Variants in BICC1 observed in about 807,000 individuals in gnomAD.
BICC1 encodes the protein BicC family RNA binding protein 1, also known as protein bicaudal C homolog 1.
In BICC1, 43 loss-of-function variants were observed where a neutral mutation model predicts 111.0. The ratio of observed to expected loss-of-function variants is 0.39; its 90% CI spans 0.30 to 0.50. The LOEUF is 0.50. Among genes scored for constraint, BICC1 ranks in the 20% least tolerant of loss-of-function variants. The probability of loss-of-function intolerance (pLI) is 0.88; values close to 1 mark genes in which losing one functional copy is unlikely to be tolerated. For missense variants in BICC1, 1,091 were observed against 1,203.2 expected (o/e 0.91, Z 1.38); for synonymous variants, 467 against 434.4 (o/e 1.07, Z -0.93).
At chr10:58,674,271 CA>C (rs1276875466) in intron 2 of BICC1, among the ~76,000 whole-genome samples, 8 of 151,762 alleles carry the variant, frequency 5.3e-5, no homozygotes, top group African/African-American at 1.9e-4. Context: ...GATCAAGTGT[CA>C]GTTACCATTT....
intron 1 of BICC1, among the ~76,000 whole-genome samples, chr10:58,543,372 A>G (rs1385223499): frequency 6.6e-6 from 1 of 152,094 alleles, no homozygotes; most frequent in East Asian, 1.9e-4. Context: ...GAAGAAAGGG[A>G]GAGTTGTTTA....
intron 2 of BICC1, among the ~76,000 whole-genome samples, chr10:58,689,044 A>C (rs899030596): frequency 6.6e-6 from 1 of 152,218 alleles, no homozygotes; most frequent in African/African-American, 2.4e-5. Flanking sequence ...CAACAACAAC[A>C]AAAAACAAGA....
At chr10:58,736,160 G>A (rs1841460305) in intron 3 of BICC1, among the ~76,000 whole-genome samples, 1 of 152,130 alleles carries the variant, frequency 6.6e-6, no homozygotes, top group African/African-American at 2.4e-5. Flanking sequence ...GGAGCAAGAT[G>A]GGGACAGGAG....
intron 18 of BICC1, among the ~76,000 whole-genome samples, chr10:58,816,619 C>T (rs1844097519): frequency 1.3e-5 from 2 of 152,068 alleles, no homozygotes; most frequent in African/African-American, 4.8e-5. Flanking sequence ...GTTGTCCTCC[C>T]TCACCTCTTT....
In BICC1 at chr10:58,789,897, C is replaced by T; in HGVS notation, c.1011C>T (p.Thr337=). The change falls in exon 8 of 21, where the codon ACC becomes ACT. Residue 337 remains threonine (T), a synonymous_variant. Coordinates refer to ENST00000373886, the MANE Select transcript of BICC1 (RefSeq NM_001080512.3). ...AATCTACCGTCTACCTCCAGGGCAC[C>T]ATTGAGTCTGTCTGTCTTGCAAGGC... is the stretch of plus-strand genomic sequence containing the variant. ...QKKSTVYLQG[T]IESVCLARQY... is the part of the protein sequence containing the mutation. 6.2e-7 allele frequency: 1 copy of T among 1,614,118 alleles called. No homozygotes were observed. The highest frequency in any genetic ancestry group is 8.5e-7 in the Non-Finnish European group (1 of 1,180,014).
intron 3 of BICC1, among the ~76,000 whole-genome samples, chr10:58,740,611 C>G (rs1329577404): frequency 6.6e-6 from 1 of 152,022 alleles, no homozygotes; most frequent in Non-Finnish European, 1.5e-5. Flanking sequence ...GAAAAAAAAC[C>G]TCTTTGGAAA....
At chr10:58,656,677 C>A (rs1838663226) in intron 2 of BICC1, among the ~76,000 whole-genome samples, 1 of 152,042 alleles carries the variant, frequency 6.6e-6, no homozygotes, top group East Asian at 1.9e-4. Context: ...TTTCTTTGTC[C>A]CAGCTTGACC....
At chr10:58,792,604 C>T (rs1458075392) in intron 8 of BICC1, among the ~76,000 whole-genome samples, 1 of 152,078 alleles carries the variant, frequency 6.6e-6, no homozygotes, top group Non-Finnish European at 1.5e-5. Flanking sequence ...TATTGTGAAC[C>T]GTGCATGCAA....
At chr10:58,817,889 G>T (rs141197272) in intron 19 of BICC1, among the ~76,000 whole-genome samples, 167 bp downstream of exon 19, 1 of 152,110 alleles carries the variant, frequency 6.6e-6, no homozygotes, top group Non-Finnish European at 1.5e-5. Flanking sequence ...TTCTTATTTA[G>T]TGCAGCTAGT....
intron 3 of BICC1, among the ~76,000 whole-genome samples, chr10:58,781,927 C>T (rs944080091): frequency 6.6e-6 from 1 of 152,060 alleles, no homozygotes; most frequent in Non-Finnish European, 1.5e-5. Flanking sequence ...TTTTCTCTGT[C>T]CTTATTAAGC....
intron 3 of BICC1, among the ~76,000 whole-genome samples, chr10:58,723,881 T>A (rs1158715759): frequency 6.6e-6 from 1 of 152,220 alleles, no homozygotes; most frequent in Non-Finnish European, 1.5e-5. Context: ...CTCTCACAAT[T>A]TGGCAATTCT....
intron 1 of BICC1, among the ~76,000 whole-genome samples, chr10:58,612,112 C>T (rs138775674): frequency 1.4e-3 from 208 of 152,080 alleles, no homozygotes; most frequent in African/African-American, 4.6e-3. Flanking sequence ...TACTTTTCAC[C>T]GTTGAAATTT....
chr10:58,602,139 A>G (rs1417204874), intron 1 of BICC1, among the ~76,000 whole-genome samples: 1 of 152,160 alleles, frequency 6.6e-6, no homozygotes, highest in African/African-American at 2.4e-5. Context: ...TCCAAAGTAA[A>G]CAAAGTAGGA....
At chr10:58,783,316 A>AT (rs1842928847) in intron 3 of BICC1, among the ~76,000 whole-genome samples, 1 of 152,086 alleles carries the variant, frequency 6.6e-6, no homozygotes, top group Non-Finnish European at 1.5e-5. Flanking sequence ...ATTAACTGTG[A>AT]TTTCACCATC....
At chr10:58,712,506 ATAT>A (rs748298938) in intron 3 of BICC1, among the ~76,000 whole-genome samples, 2 of 151,004 alleles carry the variant, frequency 1.3e-5, no homozygotes, top group Admixed American at 1.3e-4. Context: ...ACACAATGAA[ATAT>A]TATTCAGTGC....
chr10:58,589,577 T>C (rs1016295165), intron 1 of BICC1, among the ~76,000 whole-genome samples: 13 of 152,022 alleles, frequency 8.6e-5, no homozygotes, highest in African/African-American at 2.7e-4. Context: ...GGTCAAGCTA[T>C]TCTCTTGCCC....
chr10:58,590,077 A>G (rs1288720439), intron 1 of BICC1, among the ~76,000 whole-genome samples: 2 of 152,178 alleles, frequency 1.3e-5, no homozygotes, highest in Non-Finnish European at 2.9e-5. Context: ...TCATCAGTCC[A>G]GTGGGGTTAT....
intron 2 of BICC1, among the ~76,000 whole-genome samples, chr10:58,671,815 A>T (rs895635162): frequency 3.3e-5 from 5 of 152,184 alleles, no homozygotes; most frequent in Non-Finnish European, 7.3e-5. Flanking sequence ...GTAAATGGCT[A>T]TCAAGGGTAC....
intron 3 of BICC1, among the ~76,000 whole-genome samples, chr10:58,724,435 A>G (rs1189592236): frequency 6.6e-6 from 1 of 152,052 alleles, no homozygotes; most frequent in African/African-American, 2.4e-5. Context: ...GCACATATAC[A>G]AATACTTAAG....
Sources: gnomAD v4.1 joint callset for allele counts (sites outside exome capture counted in the v4.1 genomes callset) on GRCh38, gnomAD v4.1.1 for gene constraint, MANE v1.5 for transcripts, NCBI Gene and HGNC (gene_info 2026-07-23, HGNC 2026-07-21) for gene names.